PCNX2: variants seen among roughly 807,000 people sequenced by gnomAD.
PCNX2 encodes pecanex 2.
Under a neutral mutation model 223.8 loss-of-function variants are expected in PCNX2, and 168 were observed. That is an observed-to-expected ratio of 0.75 (90% confidence interval 0.66 to 0.85). The LOEUF (loss-of-function observed/expected upper bound fraction) is 0.85. Ranked by LOEUF, PCNX2 falls within the 40% of genes least tolerant of loss-of-function variation. The probability of loss-of-function intolerance (pLI) is 0.00; values close to 1 mark genes in which losing one functional copy is unlikely to be tolerated. For missense variants in PCNX2, 2,507 were observed against 2,675.5 expected (o/e 0.94, Z 1.39); for synonymous variants, 1,006 against 1,052.6 (o/e 0.96, Z 0.86).
intron 21 of PCNX2, among the ~76,000 whole-genome samples, chr1:233,132,191 G>T (rs1348887754): frequency 1.3e-5 from 2 of 152,042 alleles, no homozygotes; most frequent in African/African-American, 4.8e-5. Context: ...CCACCCTCCT[G>T]ACTTCAGGTA....
chr1:233,260,953 A>G (rs776066984), intron 4 of PCNX2, among the ~76,000 whole-genome samples: 5 of 152,180 alleles, frequency 3.3e-5, no homozygotes, highest in Non-Finnish European at 7.4e-5. Flanking sequence ...TGTATATGCT[A>G]TAATACAAAT....
At chr1:233,012,285 TG>T (rs1459821520) in intron 28 of PCNX2, among the ~76,000 whole-genome samples, 2 of 152,182 alleles carry the variant, frequency 1.3e-5, no homozygotes, top group Non-Finnish European at 2.9e-5. Flanking sequence ...TCCCAGCTGT[TG>T]GTTGAAGAGC....
chr1:233,148,651 C>T (rs971718602), intron 19 of PCNX2, among the ~76,000 whole-genome samples: 3 of 152,140 alleles, frequency 2.0e-5, no homozygotes, highest in African/African-American at 7.2e-5. Context: ...ATCCACCAAC[C>T]TTGGCCTCCC....
the PCNX2 span, among the ~76,000 whole-genome samples, chr1:233,325,709 G>C: frequency 6.6e-6 from 1 of 152,036 alleles, no homozygotes; most frequent in Non-Finnish European, 1.5e-5. Flanking sequence ...GCTTCTTATG[G>C]AGAGGCAAAA....
chr1:233,068,778 C>G (rs2102899203), intron 23 of PCNX2, among the ~76,000 whole-genome samples: 1 of 151,692 alleles, frequency 6.6e-6, no homozygotes, highest in Admixed American at 6.6e-5. Flanking sequence ...ATACAAGAAT[C>G]AGGAAAAAAC....
At chr1:233,039,697 T>C (rs1671577373) in intron 25 of PCNX2, among the ~76,000 whole-genome samples, 1 of 152,172 alleles carries the variant, frequency 6.6e-6, no homozygotes, top group Non-Finnish European at 1.5e-5. Flanking sequence ...AAAACCTCAA[T>C]GCATAAACTT....
In PCNX2 at chr1:233,117,603, G is replaced by GAA. The variant is rs201172317; in HGVS notation, c.3837+17408_3837+17409dup. On this transcript the variant is annotated intron_variant, in intron 21 of 33. Coordinates refer to ENST00000258229, the MANE Select transcript of PCNX2 (RefSeq NM_014801.4). Reference sequence around the variant, plus strand: ...GCGACAGAGTGAGACTCCGTCTAAAGAAAAAAAAAAAAAAGACCACAACCC... The same window carrying GAA: ...GCGACAGAGTGAGACTCCGTCTAAAGAAAAAAAAAAAAAAAAGACCACAACCC... 4.1e-3 allele frequency among the ~76,000 whole-genome samples: 298 copies of GAA among 73,238 alleles called. 1 individual carries two copies. Among genetic ancestry groups the GAA allele is most frequent in the African/African-American group, 0.016 (275 of 17,466 alleles). 48.0% of individuals were successfully genotyped at this position (73,238 alleles called of 152,430 possible).
At chr1:233,169,631 C>G (rs375682141) in intron 17 of PCNX2, among the ~76,000 whole-genome samples, 1 of 126,638 alleles carries the variant, frequency 7.9e-6, no homozygotes, top group Non-Finnish European at 1.6e-5. Flanking sequence ...GGCGACAGAG[C>G]GAAACTCCGT....
intron 1 of PCNX2, among the ~76,000 whole-genome samples, chr1:233,266,704 T>C (rs749029727): frequency 2.0e-4 from 30 of 152,236 alleles, no homozygotes; most frequent in Admixed American, 3.3e-4. Flanking sequence ...TTTCTTGTTC[T>C]AAGGGAAATT....
chr1:233,166,622 G>C (rs989563206), intron 17 of PCNX2, among the ~76,000 whole-genome samples: 1 of 152,236 alleles, frequency 6.6e-6, no homozygotes, highest in Middle Eastern at 3.4e-3. Flanking sequence ...GGTAATTACT[G>C]AGCTTTTTAC....
chr1:233,120,164 C>CAAAAAAAAAAAAAAAAAAAAAAAATAA (rs1228898502), intron 21 of PCNX2, among the ~76,000 whole-genome samples: 2 of 42,660 alleles, frequency 4.7e-5, no homozygotes, highest in African/African-American at 9.7e-5. Flanking sequence ...GACTCCATTT[C>CAAAAAAAAAAAAAAAAAAAAAAAATAA]AAAAAAAAAA....
At chr1:232,988,414 A>T (rs916877703) in intron 32 of PCNX2, among the ~76,000 whole-genome samples, 4 of 143,064 alleles carry the variant, frequency 2.8e-5, no homozygotes, top group African/African-American at 1.1e-4. Flanking sequence ...AGGTTTTCTC[A>T]TTGCTCTTTT....
chr1:233,145,958 G>A (rs1474092507), intron 19 of PCNX2, among the ~76,000 whole-genome samples: 1 of 151,930 alleles, frequency 6.6e-6, no homozygotes, highest in Non-Finnish European at 1.5e-5. Context: ...CCAAAAACCT[G>A]GAATCTGAAA....
chr1:233,002,089 T>TTTC (rs1401948645), intron 28 of PCNX2, among the ~76,000 whole-genome samples: 2 of 152,198 alleles, frequency 1.3e-5, no homozygotes, highest in African/African-American at 4.8e-5. Flanking sequence ...TGCAGGAGAC[T>TTTC]TTCTTCTTCT....
intron 1 of PCNX2, among the ~76,000 whole-genome samples, chr1:233,275,045 T>C (rs779674761): frequency 2.0e-5 from 3 of 152,232 alleles, no homozygotes; most frequent in Non-Finnish European, 4.4e-5. Context: ...CTGTGAAACA[T>C]ATACTGATTT....
chr1:233,263,122 A>G lies in PCNX2; in HGVS notation c.195T>C (p.Ser65=), dbSNP rs1660145100. Residue 65 remains serine, a synonymous_variant, in exon 2 of 34, where the codon AGT becomes AGC. Transcript: ENST00000258229. The stretch of plus-strand genomic sequence containing the variant: ...TTATTGTGAAGAATATAGTCACTGC[A>G]CTGCAGTAGAAAAATACAATGATCG... The part of the protein sequence containing the change: ...PNAIIVFFYC[S]AVTIFFTIIK... 1 of 1,612,736 alleles carries G rather than the reference A, an allele frequency of 6.2e-7. No individual in the cohort carries two copies. The highest frequency in any genetic ancestry group is 8.5e-7 in the Non-Finnish European group (1 of 1,179,154).
At chr1:233,324,600 T>A in the PCNX2 span, among the ~76,000 whole-genome samples, 3 of 145,978 alleles carry the variant, frequency 2.1e-5, no homozygotes, top group Non-Finnish European at 4.5e-5. Context: ...TTACTGAAAT[T>A]TTTTTTTTTT....
intron 13 of PCNX2, among the ~76,000 whole-genome samples, chr1:233,202,863 T>G (rs1430268131): frequency 6.6e-6 from 1 of 152,206 alleles, no homozygotes; most frequent in East Asian, 1.9e-4. Flanking sequence ...CATCCAGTGC[T>G]TGGACCCGGC....
chr1:233,245,901 C>T (rs891618244), intron 8 of PCNX2, among the ~76,000 whole-genome samples: 15 of 151,734 alleles, frequency 9.9e-5, no homozygotes, highest in African/African-American at 2.7e-4. Flanking sequence ...GGGTGACAGA[C>T]GGAGACTCTA....
Sources: gnomAD v4.1 joint callset for allele counts (sites outside exome capture counted in the v4.1 genomes callset) on GRCh38, gnomAD v4.1.1 for gene constraint, MANE v1.5 for transcripts, NCBI Gene and HGNC (gene_info 2026-07-23, HGNC 2026-07-21) for gene names.